WIF1: variants seen among roughly 807,000 people sequenced by gnomAD.
WIF1 encodes the protein Wnt inhibitory factor 1.
Under a neutral mutation model 53.5 loss-of-function variants are expected in WIF1, and 35 were observed. That is an observed-to-expected ratio of 0.65 (90% CI 0.50 to 0.87). WIF1 has a LOEUF of 0.87. Among genes scored for constraint, WIF1 ranks in the 40% least tolerant of loss-of-function variants. The probability of loss-of-function intolerance (pLI) is 0.00; values close to 1 mark genes in which losing one functional copy is unlikely to be tolerated. For synonymous variants in WIF1, 171 were observed against 170.4 expected (o/e 1.00, Z -0.03); for missense variants, 467 against 476.8 (o/e 0.98, Z 0.19).
At chr12:65,078,922 T>C (rs1476362843) in intron 2 of WIF1, among the ~76,000 whole-genome samples, 1 of 152,132 alleles carries the variant, frequency 6.6e-6, no homozygotes, top group Non-Finnish European at 1.5e-5. Flanking sequence ...CCCAGCACTT[T>C]GGGAGGCTGA....
In WIF1 at chr12:65,051,486, C is replaced by G; in HGVS notation, c.1019-16G>C. 2 of 1,574,106 alleles carry G rather than the reference C, an allele frequency of 1.3e-6. No homozygotes were observed. The highest frequency in any genetic ancestry group is 1.7e-6 in the Non-Finnish European group (2 of 1,161,494). On this transcript the variant is annotated splice_polypyrimidine_tract_variant and intron_variant, in intron 9 of 9. Coordinates refer to ENST00000286574, the MANE Select transcript of WIF1 (RefSeq NM_007191.5). ...GCTTCGTACCCTGCAAAATTATTCA[C>G]AGCTTAAAAGGAAAGAAACTACAAA...
chr12:65,051,873 A>G (rs1390945823), intron 9 of WIF1, among the ~76,000 whole-genome samples: 1 of 152,236 alleles, frequency 6.6e-6, no homozygotes, highest in African/African-American at 2.4e-5. Flanking sequence ...GATCCAGTTC[A>G]ATATGACAAC....
chr12:65,103,339 G>A (rs1883308207), intron 2 of WIF1, among the ~76,000 whole-genome samples: 1 of 152,174 alleles, frequency 6.6e-6, no homozygotes, highest in Non-Finnish European at 1.5e-5. Context: ...AAATGATTAA[G>A]TACATGAAAG....
chr12:65,114,175 T>TTTTTTTTTGGTTTTTA (rs1883475175), intron 2 of WIF1, among the ~76,000 whole-genome samples: 1 of 100,960 alleles, frequency 9.9e-6, no homozygotes, highest in Non-Finnish European at 2.6e-5. Flanking sequence ...CTATTTTTTT[T>TTTTTTTTTGGTTTTTA]ATTTTTTTTT....
chr12:65,051,386 T>G lies in WIF1; in HGVS notation c.1103A>C (p.Glu368Ala). Residue 368 changes from glutamate to alanine, a missense_variant, in exon 10 of 10, where the codon GAG becomes GCG. Glu to Ala is a moderately radical substitution (Grantham distance 107). Coordinates refer to ENST00000286574, the MANE Select transcript of WIF1 (RefSeq NM_007191.5). ...ATTGGATTCAGGTGGATCCCGCCGC[T>G]CCTCGGCCTTTTTAAGTGAAGGCGT... ...QHTPSLKKAE[E>A]RRDPPESNYI... The G allele has an allele frequency of 1.9e-6, 3 of 1,613,992 alleles. No individual in the cohort carries two copies. Among genetic ancestry groups the G allele is most frequent in the Non-Finnish European group, 2.5e-6 (3 of 1,179,930 alleles).
intron 3 of WIF1, 82 bp downstream of exon 3, chr12:65,077,664 G>A: frequency 9.9e-7 from 1 of 1,013,644 alleles, no homozygotes; most frequent in African/African-American, 1.6e-5. Context: ...TAACCTCTCT[G>A]ATGTAGGACA....
At chr12:65,100,784 G>A (rs539952689) in intron 2 of WIF1, among the ~76,000 whole-genome samples, 4 of 152,210 alleles carry the variant, frequency 2.6e-5, no homozygotes, top group African/African-American at 9.6e-5. Context: ...GCTTTGGGAG[G>A]CTGAGGTAAA....
intron 2 of WIF1, among the ~76,000 whole-genome samples, chr12:65,082,224 C>G (rs1301135841): frequency 6.6e-6 from 1 of 152,026 alleles, no homozygotes; most frequent in East Asian, 1.9e-4. Flanking sequence ...CAAATAAAAT[C>G]TAAATTCTAT....
intron 7 of WIF1, 63 bp downstream of exon 7, chr12:65,062,415 TGAA>T (rs1882626555): frequency 7.4e-7 from 1 of 1,343,404 alleles, no homozygotes; most frequent in Admixed American, 2.2e-5. Flanking sequence ...CTTGATAAAA[TGAA>T]GGGGTTATAT....
chr12:65,055,279 G>T (rs1230416621), intron 8 of WIF1, 66 bp from the exon 9 acceptor site: 4 of 1,530,792 alleles, frequency 2.6e-6, no homozygotes, highest in Admixed American at 2.1e-5. Flanking sequence ...TTACATAGTT[G>T]CTTTCCTTGC....
intron 5 of WIF1, 34 bp downstream of exon 5, chr12:65,067,661 G>A: frequency 6.3e-7 from 1 of 1,584,760 alleles, no homozygotes; most frequent in South Asian, 1.1e-5. Context: ...TGTTCATTAG[G>A]AAGGGAGCAA....
Position 65,086,600 on chromosome 12 carries a change from A to G in WIF1, c.289-8746T>C, listed in dbSNP as rs981888994. On this transcript the variant is annotated intron_variant, in intron 2 of 9. Transcript: ENST00000286574. ...GCAAAATGATGATTCCAGAGCATGG[A>G]GGTGCCCAGAAAGCAGCAGTGTGTG... is the stretch of plus-strand genomic sequence containing the variant. Among the ~76,000 whole-genome samples, 9 of 152,032 alleles carry G rather than the reference A, an allele frequency of 5.9e-5. No homozygotes were observed. In the East Asian group the frequency reaches 1.7e-3, roughly 29 times the overall value.
chr12:65,086,665 T>C (rs1318067691), intron 2 of WIF1, among the ~76,000 whole-genome samples: 1 of 150,298 alleles, frequency 6.7e-6, no homozygotes, highest in Non-Finnish European at 1.5e-5. Context: ...GAGACAGTTC[T>C]GGAAAGGGAA....
intron 3 of WIF1, among the ~76,000 whole-genome samples, chr12:65,076,284 C>G (rs7308550): frequency 6.6e-6 from 1 of 151,706 alleles, no homozygotes; most frequent in Admixed American, 6.6e-5. Context: ...GAATCCTCCC[C>G]CCTCGGCCCC....
At chr12:65,068,649 A>ATGTGCGTGTGTG (rs1882724262) in intron 4 of WIF1, 115 bp downstream of exon 4, 1 of 917,528 alleles carries the variant, frequency 1.1e-6, no homozygotes, top group African/African-American at 1.8e-5. Context: ...CCAAAAAACC[A>ATGTGCGTGTGTG]TGTGTGTGTG....
intron 2 of WIF1, among the ~76,000 whole-genome samples, chr12:65,083,332 A>C (rs1243230515): frequency 6.6e-6 from 1 of 152,196 alleles, no homozygotes; most frequent in African/African-American, 2.4e-5. Flanking sequence ...CCAATGATTA[A>C]AATAATCTGA....
chr12:65,095,108 T>C (rs1883184413), intron 2 of WIF1, among the ~76,000 whole-genome samples: 1 of 106,048 alleles, frequency 9.4e-6, no homozygotes, highest in Admixed American at 9.2e-5. Flanking sequence ...AATTTTTGTA[T>C]TTTTTTTTTT....
At chr12:65,092,525 C>T in intron 2 of WIF1, among the ~76,000 whole-genome samples, 1 of 112,400 alleles carries the variant, frequency 8.9e-6, no homozygotes, top group African/African-American at 3.5e-5. Flanking sequence ...TATATATATG[C>T]ATGGTATGCG....
At chr12:65,068,981 A>G (rs978070490) in intron 3 of WIF1, 77 bp from the exon 4 acceptor site, 41 of 1,522,222 alleles carry the variant, frequency 2.7e-5, no homozygotes, top group Non-Finnish European at 3.4e-5. Context: ...TTGGGAACCA[A>G]GAGTCAAAGG....
Sources: gnomAD v4.1 joint callset for allele counts (sites outside exome capture counted in the v4.1 genomes callset) on GRCh38, gnomAD v4.1.1 for gene constraint, MANE v1.5 for transcripts, NCBI Gene and HGNC (gene_info 2026-07-23, HGNC 2026-07-21) for gene names.